Variants in PID1 observed in about 807,000 individuals in gnomAD.
PID1 encodes the protein PTB-containing, cubilin and LRP1-interacting protein.
In PID1, 10 loss-of-function variants were observed where a neutral mutation model predicts 19.1. The ratio of observed to expected loss-of-function variants is 0.52; its 90% CI spans 0.32 to 0.89. The LOEUF (loss-of-function observed/expected upper bound fraction) is 0.89. Ranked by LOEUF, PID1 falls within the 40% of genes least tolerant of loss-of-function variation. The pLI, the probability that PID1 is intolerant of heterozygous loss-of-function variation, is 0.03. For missense variants in PID1, 248 were observed against 285.3 expected (o/e 0.87, Z 0.94); for synonymous variants, 130 against 116.0 (o/e 1.12, Z -0.78).
intron 1 of PID1, among the ~76,000 whole-genome samples, chr2:229,170,095 A>C (rs1690680182): frequency 6.6e-6 from 1 of 152,180 alleles, no homozygotes; most frequent in Admixed American, 6.5e-5. Flanking sequence ...AAACCTTTAT[A>C]ATCAGAAAAT....
At chr2:229,253,484 TG>T (rs1690207278) in intron 1 of PID1, among the ~76,000 whole-genome samples, 2 of 151,346 alleles carry the variant, frequency 1.3e-5, no homozygotes, top group Admixed American at 1.3e-4. Flanking sequence ...TCTCCAAAGA[TG>T]GGCCAGAACC....
At chr2:229,157,861 G>A (rs1690408698) in intron 1 of PID1, among the ~76,000 whole-genome samples, 1 of 152,202 alleles carries the variant, frequency 6.6e-6, no homozygotes, top group South Asian at 2.1e-4. Flanking sequence ...AACACAGAAG[G>A]AAAGGGAAAG....
intron 2 of PID1, among the ~76,000 whole-genome samples, chr2:229,113,056 G>A (rs1276665625): frequency 6.6e-6 from 1 of 152,040 alleles, no homozygotes; most frequent in Non-Finnish European, 1.5e-5. Context: ...GAGTAAAGTA[G>A]GAACGTCTCC....
At position 229,125,113 on chromosome 2, in the gene PID1, G is replaced by T. The variant is rs1020579193; in HGVS notation, c.177+30705C>A. Among the ~76,000 whole-genome samples the T allele has an allele frequency of 2.1e-4, 32 of 152,230 alleles. 1 individual carries two copies. The highest frequency in any genetic ancestry group is 2.1e-3 in the Admixed American group (32 of 15,290). ...CAAGTTAGCTTTCGCTGCAAGACTTGCTCTGGCCAATAAAACTGAGCAAAA... is the reference window on the plus strand; with the variant it reads ...CAAGTTAGCTTTCGCTGCAAGACTTTCTCTGGCCAATAAAACTGAGCAAAA... On this transcript the variant is annotated intron_variant, in intron 2 of 2. Coordinates refer to ENST00000392055, the MANE Select transcript of PID1 (RefSeq NM_001100818.2).
intron 1 of PID1, chr2:229,232,064 C>A: frequency 1.3e-6 from 2 of 1,531,948 alleles, no homozygotes; most frequent in Non-Finnish European, 1.8e-6. Flanking sequence ...TGGCACGAAG[C>A]CTCTTGTACA....
chr2:229,145,155 G>GTGTGTGTGTGTATATACATATATATATA lies in PID1; in HGVS notation c.177+10662_177+10663insTATATATATATGTATATACACACACACA, dbSNP rs1391018424. On this transcript the variant is annotated intron_variant, in intron 2 of 2. Coordinates refer to ENST00000392055, the MANE Select transcript of PID1 (RefSeq NM_001100818.2). ...ATGCTGAGTTTAAATATATGTATGT[G>GTGTGTGTGTGTATATACATATATATATA]TATATATATATATATATATATATAT... Among the ~76,000 whole-genome samples, 325 of 119,890 alleles carry GTGTGTGTGTGTATATACATATATATATA rather than the reference G, an allele frequency of 2.7e-3. 5 individuals are homozygous for GTGTGTGTGTGTATATACATATATATATA. Among genetic ancestry groups the GTGTGTGTGTGTATATACATATATATATA allele is most frequent in the African/African-American group, 9.5e-3 (302 of 31,660 alleles). 78.7% of individuals were successfully genotyped at this position (119,890 alleles called of 152,430 possible).
intron 1 of PID1, chr2:229,244,949 A>G (rs929597574): frequency 1.3e-5 from 2 of 152,102 alleles, no homozygotes; most frequent in African/African-American, 4.8e-5. Flanking sequence ...GAGAACTTCA[A>G]AACTCCATAA....
intron 1 of PID1, among the ~76,000 whole-genome samples, chr2:229,250,022 C>T (rs1414341799): frequency 6.6e-6 from 1 of 152,206 alleles, no homozygotes; most frequent in African/African-American, 2.4e-5. Flanking sequence ...AACTCCTTAG[C>T]ATCCGATAAA....
At chr2:229,214,247 G>A (rs1406287248) in intron 1 of PID1, among the ~76,000 whole-genome samples, 1 of 149,646 alleles carries the variant, frequency 6.7e-6, no homozygotes, top group African/African-American at 2.5e-5. Flanking sequence ...TCTAGCAAGT[G>A]GTAGAGCAAA....
intron 1 of PID1, among the ~76,000 whole-genome samples, chr2:229,207,209 T>C (rs2106246052): frequency 6.6e-6 from 1 of 152,244 alleles, no homozygotes; most frequent in East Asian, 1.9e-4. Flanking sequence ...TGCAAAAATC[T>C]AGACAAATAC....
intron 1 of PID1, among the ~76,000 whole-genome samples, chr2:229,245,834 A>T (rs570132447): frequency 6.6e-6 from 1 of 152,154 alleles, no homozygotes; most frequent in South Asian, 2.1e-4. Flanking sequence ...TTCCCTGAAA[A>T]TTTCCCAATT....
intron 2 of PID1, among the ~76,000 whole-genome samples, chr2:229,115,449 GA>G (rs932283532): frequency 1.2e-4 from 17 of 145,192 alleles, no homozygotes; most frequent in African/African-American, 4.3e-4. Context: ...AAAGGAAAAA[GA>G]AAAAATGAAG....
At chr2:229,157,820 TACA>T (rs1690407623) in intron 1 of PID1, among the ~76,000 whole-genome samples, 7 of 152,154 alleles carry the variant, frequency 4.6e-5, no homozygotes, top group Admixed American at 3.9e-4. Context: ...TACTTCCCTG[TACA>T]AGGCAACCAC....
intron 1 of PID1, among the ~76,000 whole-genome samples, chr2:229,250,804 C>T (rs1429174894): frequency 1.3e-5 from 2 of 152,108 alleles, no homozygotes; most frequent in African/African-American, 4.8e-5. Flanking sequence ...CTCATCTTTG[C>T]CCTTTACAGC....
chr2:229,146,746 G>A (rs1690143670), intron 2 of PID1, among the ~76,000 whole-genome samples: 2 of 152,054 alleles, frequency 1.3e-5, no homozygotes, highest in Non-Finnish European at 1.5e-5. Context: ...TATCCAACGG[G>A]CACTAAGTCC....
At chr2:229,162,981 A>G (rs954305960) in intron 1 of PID1, among the ~76,000 whole-genome samples, 5 of 152,226 alleles carry the variant, frequency 3.3e-5, no homozygotes, top group Admixed American at 6.5e-5. Context: ...AACAATTTGT[A>G]TATTTAACAA....
rs1231725740 is a variant in PID1, at chr2:229,184,169, A to G, written c.31-28205T>C. On this transcript the variant is annotated intron_variant, in intron 1 of 2. Coordinates refer to ENST00000392055, the MANE Select transcript of PID1 (RefSeq NM_001100818.2). The stretch of plus-strand genomic sequence containing the variant: ...TCCCATATGTATATATCCCATATGT[A>G]TATATCCCATATGTATATATCCCAT... Among the ~76,000 whole-genome samples the G allele has an allele frequency of 7.9e-5, 2 of 25,372 alleles. 1 individual carries two copies. The highest frequency in any genetic ancestry group is 1.4e-4 in the Non-Finnish European group (2 of 14,686). 16.6% of individuals were successfully genotyped at this position (25,372 alleles called of 152,430 possible).
At chr2:229,235,357 G>A (rs1039479648) in intron 1 of PID1, among the ~76,000 whole-genome samples, 2 of 152,168 alleles carry the variant, frequency 1.3e-5, no homozygotes, top group Non-Finnish European at 2.9e-5. Context: ...TGCACTCAAG[G>A]GAGCAAAACA....
At chr2:229,131,450 C>T (rs1689738442) in intron 2 of PID1, among the ~76,000 whole-genome samples, 1 of 152,116 alleles carries the variant, frequency 6.6e-6, no homozygotes, top group Non-Finnish European at 1.5e-5. Context: ...AGGCAGGTGT[C>T]AAACTTCTGA....
Sources: allele counts gnomAD v4.1 joint callset (sites outside exome capture counted in the v4.1 genomes callset), GRCh38; gene constraint gnomAD v4.1.1; transcripts MANE v1.5; gene names NCBI Gene and HGNC (gene_info 2026-07-23, HGNC 2026-07-21).